The following KAZN variants were observed in gnomAD, a reference collection of about 807,000 sequenced individuals.
KAZN encodes the protein kazrin, periplakin interacting protein, also known as kazrin.
In KAZN, 40 loss-of-function variants were observed where a neutral mutation model predicts 87.4. That is an observed-to-expected ratio of 0.46 (90% CI 0.36 to 0.60). The LOEUF (loss-of-function observed/expected upper bound fraction) is 0.60. Ranked by LOEUF, KAZN falls within the 20% of genes least tolerant of loss-of-function variation. The pLI, the probability that KAZN is intolerant of heterozygous loss-of-function variation, is 0.00. For synonymous variants in KAZN, 466 were observed against 458.3 expected (o/e 1.02, Z -0.22); for missense variants, 898 against 1,073.9 (o/e 0.84, Z 2.29).
chr1:14,104,191 A>C (rs1024117154), intron 1 of KAZN, among the ~76,000 whole-genome samples: 2 of 152,320 alleles, frequency 1.3e-5, no homozygotes, highest in African/African-American at 4.8e-5. Flanking sequence ...GCCTCATTGC[A>C]GAGCTGGTGC....
At chr1:14,067,167 C>T (rs1643041741) in intron 1 of KAZN, among the ~76,000 whole-genome samples, 1 of 152,122 alleles carries the variant, frequency 6.6e-6, no homozygotes, top group South Asian at 2.1e-4. Flanking sequence ...TCTATGAGCA[C>T]AGGGACCTTG....
chr1:15,024,935 C>A (rs1671030747), intron 2 of KAZN, among the ~76,000 whole-genome samples: 1 of 152,176 alleles, frequency 6.6e-6, no homozygotes, highest in Admixed American at 6.5e-5. Flanking sequence ...ACAGGGAAAT[C>A]AGCATGGCCT....
At chr1:14,527,156 C>G (rs757499272) in intron 2 of KAZN, among the ~76,000 whole-genome samples, 3 of 152,046 alleles carry the variant, frequency 2.0e-5, no homozygotes, top group Non-Finnish European at 4.4e-5. Context: ...TTCATGAAGT[C>G]GTAGTCAGAC....
intron 1 of KAZN, among the ~76,000 whole-genome samples, chr1:14,723,275 C>A (rs995989136): frequency 1.3e-5 from 2 of 152,294 alleles, no homozygotes; most frequent in South Asian, 4.1e-4. Context: ...TGTCTGCCCC[C>A]ACACTGTCCC....
At chr1:13,944,732 G>A (rs544222978) in intron 1 of KAZN, among the ~76,000 whole-genome samples, 23 of 152,276 alleles carry the variant, frequency 1.5e-4, no homozygotes, top group African/African-American at 5.1e-4. Flanking sequence ...GGTGAAAAAT[G>A]TGTAATTAAA....
intron 2 of KAZN, among the ~76,000 whole-genome samples, chr1:14,518,223 C>T (rs1671398964): frequency 6.7e-6 from 1 of 148,984 alleles, no homozygotes; most frequent in African/African-American, 2.5e-5. Context: ...CTGTGCCACC[C>T]AGGCTGGAGT....
intron 1 of KAZN, among the ~76,000 whole-genome samples, chr1:14,818,487 C>T (rs2311336): frequency 0.44 from 66,944 of 152,122 alleles, 16,189 homozygotes; most frequent in African/African-American, 0.65. Context: ...ACGAAGCAGT[C>T]AACAGAATTT....
chr1:13,900,086 A>T (rs144686775), intron 1 of KAZN, among the ~76,000 whole-genome samples: 73 of 152,234 alleles, frequency 4.8e-4, no homozygotes, highest in African/African-American at 1.6e-3. Flanking sequence ...GTGTTAGTGG[A>T]ATCTGGCAAA....
At chr1:14,608,779 C>A (rs1278352086) in intron 1 of KAZN, among the ~76,000 whole-genome samples, 1 of 152,226 alleles carries the variant, frequency 6.6e-6, no homozygotes, top group Non-Finnish European at 1.5e-5. Flanking sequence ...GTATCATCTT[C>A]GCAGCCAGGT....
At chr1:14,997,643 AC>A (rs1261602762) in intron 2 of KAZN, among the ~76,000 whole-genome samples, 1 of 152,192 alleles carries the variant, frequency 6.6e-6, no homozygotes. Context: ...ACCCAGAACA[AC>A]GTGGATTCTC....
chr1:14,316,891 ACAGT>A (rs143545917), intron 2 of KAZN, among the ~76,000 whole-genome samples: 3,166 of 151,876 alleles, frequency 0.021, 117 homozygotes, highest in African/African-American at 0.072. Flanking sequence ...TGGTGAAAAA[ACAGT>A]CTGTATGATT....
Position 14,174,308 on chromosome 1 carries a change from G to A in KAZN, c.92-6127G>A, listed in dbSNP as rs1646021689. 2.6e-5 allele frequency among the ~76,000 whole-genome samples: 4 copies of A among 152,180 alleles called. No homozygotes were observed. In the South Asian group the frequency reaches 8.3e-4, roughly 32 times the overall value. On this transcript the variant is annotated intron_variant, in intron 1 of 16. Coordinates refer to the KAZN transcript ENST00000636203. ...GGGGTCCACACTCAGAAGGAAAGGA[G>A]GGCAAGGCAAACCCAGGGAGATGGG...
rs70987708 is a variant in KAZN, at chr1:13,963,759, CTGTGTGTGTGTGTGTGTGTG to C, written c.91+70029_91+70048del. On this transcript the variant is annotated intron_variant, in intron 1 of 16. Coordinates refer to the KAZN transcript ENST00000636203. ...AAGGGTTAAATGTTTCTGCTGTGGT[CTGTGTGTGTGTGTGTGTGTG>C]TGTGTGTGTGTGTGTGTGTGTGTGT... Among the ~76,000 whole-genome samples the C allele has an allele frequency of 7.6e-3, 1,082 of 142,002 alleles. 12 individuals are homozygous for C. The highest frequency in any genetic ancestry group is 0.026 in the African/African-American group (1,008 of 38,520). 93.2% of individuals were successfully genotyped at this position (142,002 alleles called of 152,430 possible). A position where few individuals can be genotyped will look rare whatever the true frequency, so the allele number is the denominator to read the frequency against.
intron 8 of KAZN, among the ~76,000 whole-genome samples, chr1:15,093,543 C>G (rs535341225): frequency 5.3e-5 from 8 of 152,134 alleles, no homozygotes; most frequent in African/African-American, 1.9e-4. Flanking sequence ...TTGTCTGGCC[C>G]AGTGAATCTG....
At chr1:14,469,821 G>T (rs1448313660) in intron 2 of KAZN, among the ~76,000 whole-genome samples, 1 of 152,202 alleles carries the variant, frequency 6.6e-6, no homozygotes, top group Non-Finnish European at 1.5e-5. Flanking sequence ...ATCCCTGGAA[G>T]ATTTGGGACT....
Position 14,412,673 on chromosome 1 carries a change from GAATC to G in KAZN, c.250-186306_250-186303del. On this transcript the variant is annotated intron_variant, in intron 2 of 16. Coordinates refer to the KAZN transcript ENST00000636203. ...GATAGCTCCTGTTCATTAGTGAAAA[GAATC>G]AATATTATAAAATGAAAATCCCCCT... is the stretch of plus-strand genomic sequence containing the variant. Among the ~76,000 whole-genome samples, 6 of 151,904 alleles carry G rather than the reference GAATC, an allele frequency of 3.9e-5. 2 individuals are homozygous for G. The South Asian group carries it at 1.2e-3, about 31-fold the overall frequency.
intron 2 of KAZN, among the ~76,000 whole-genome samples, chr1:14,995,647 CTG>C (rs1195049565): frequency 6.6e-6 from 1 of 151,240 alleles, no homozygotes; most frequent in African/African-American, 2.4e-5. Flanking sequence ...AAAAAATAGA[CTG>C]GTAACAGCTT....
rs140043926 is a variant in KAZN at position 14,958,908 on chromosome 1, G to A, written c.227-1776G>A. On this transcript the variant is annotated intron_variant, in intron 1 of 14. Coordinates refer to ENST00000376030, the MANE Select transcript of KAZN (RefSeq NM_201628.3). ...TGGCCAGCGCAAGGCTGGTGAGTGC[G>A]GCGCCTTCGTCTGTTCATTCTCGAG... Among the ~76,000 whole-genome samples the A allele has an allele frequency of 2.2e-3, 335 of 152,298 alleles. 1 individual carries two copies. The highest frequency in any genetic ancestry group is 7.3e-3 in the African/African-American group (302 of 41,564).
intron 1 of KAZN, among the ~76,000 whole-genome samples, chr1:14,035,283 G>A (rs74520245): frequency 6.6e-6 from 1 of 152,030 alleles, no homozygotes; most frequent in Non-Finnish European, 1.5e-5. Context: ...GAGGATGTAC[G>A]ATTTCTCTAG....
Sources: gnomAD v4.1 joint callset for allele counts (sites outside exome capture counted in the v4.1 genomes callset) on GRCh38, gnomAD v4.1.1 for gene constraint, MANE v1.5 for transcripts, NCBI Gene and HGNC (gene_info 2026-07-23, HGNC 2026-07-21) for gene names.